ZNF223: variants seen among roughly 807,000 people sequenced by gnomAD.
The protein encoded by ZNF223 is Homo sapiens zinc finger protein 223.
ZNF223 carries 9 observed loss-of-function variants against 12.3 expected under a neutral mutation model. That is an observed-to-expected ratio of 0.73 (90% CI 0.44 to 1.28). The LOEUF (loss-of-function observed/expected upper bound fraction) is 1.28. ZNF223 is among the 50% of genes most tolerant of loss of function. The probability of loss-of-function intolerance (pLI) is 0.00; values close to 1 mark genes in which losing one functional copy is unlikely to be tolerated. For missense variants in ZNF223, 506 were observed against 579.0 expected (o/e 0.87, Z 1.29); for synonymous variants, 171 against 195.2 (o/e 0.88, Z 1.03).
At chr19:44,064,533 A>G (rs973858425) in intron 4 of ZNF223, among the ~76,000 whole-genome samples, 1 of 152,220 alleles carries the variant, frequency 6.6e-6, no homozygotes, top group Admixed American at 6.5e-5. Flanking sequence ...AGATATAAAC[A>G]TTCTAAGGTG....
intron 2 of ZNF223, among the ~76,000 whole-genome samples, chr19:44,057,961 G>T (rs1282115690): frequency 6.6e-6 from 1 of 152,162 alleles, no homozygotes; most frequent in Non-Finnish European, 1.5e-5. Flanking sequence ...GCCATCCAGG[G>T]CTCAAGAAAG....
chr19:44,052,979 C>T (rs1289496453), intron 1 of ZNF223, among the ~76,000 whole-genome samples: 1 of 151,984 alleles, frequency 6.6e-6, no homozygotes. Flanking sequence ...GTTCCATATA[C>T]GAATTTGTTA....
chr19:44,065,008 G>C (rs1387605659), intron 4 of ZNF223, among the ~76,000 whole-genome samples: 1 of 152,186 alleles, frequency 6.6e-6, no homozygotes, highest in Non-Finnish European at 1.5e-5. Flanking sequence ...CTGGTTCCCT[G>C]TGACCTAAAG....
At position 44,066,739 on chromosome 19, in the gene ZNF223, A is replaced by G. The variant is rs1159225737; in HGVS notation, c.911A>G (p.Asn304Ser). 2 of 1,614,234 alleles carry G rather than the reference A, an allele frequency of 1.2e-6. No homozygotes were observed. The highest frequency in any genetic ancestry group is 1.1e-5 in the South Asian group (1 of 91,082). Residue 304 changes from asparagine (N) to serine (S), a missense_variant, in exon 5 of 5, where the codon AAT becomes AGT. Asn to Ser is a conservative substitution (Grantham distance 46). Coordinates refer to ENST00000434772, the MANE Select transcript of ZNF223 (RefSeq NM_013361.6). ...AGCTTCCGTCTTAGGTCAAGTCTTA[A>G]TAGGCATTGTGTGGTCCACACAGGA... ...SVSFRLRSSL[N>S]RHCVVHTGKK...
chr19:44,062,770 T>C lies in ZNF223; in HGVS notation c.235+1929T>C, dbSNP rs145305923. Among the ~76,000 whole-genome samples, 264 of 152,342 alleles carry C rather than the reference T, an allele frequency of 1.7e-3. 5 individuals carry two copies. In the East Asian group the frequency reaches 0.048, roughly 28 times the overall value. On this transcript the variant is annotated intron_variant, in intron 4 of 4. Coordinates refer to ENST00000434772, the MANE Select transcript of ZNF223 (RefSeq NM_013361.6). ...TTTTGAATGAGGATTTGCAGCTAGC[T>C]TTCCTTTGAGAGATTTACCCATCTG...
In ZNF223 at chr19:44,067,286, C is replaced by T; in HGVS notation, c.*9C>T. ...TTTTAAATGACACGTAAGTGTTGTA[C>T]ATATTTATGGGGTACAGTGTGATAT... On this transcript the variant is annotated 3_prime_UTR_variant, in exon 5 of 5. Transcript: ENST00000434772. 6.2e-7 allele frequency: 1 copy of T among 1,600,316 alleles called. No individual in the cohort carries two copies. Among genetic ancestry groups the T allele is most frequent in the African/African-American group, 1.3e-5 (1 of 74,288 alleles).
At chr19:44,052,753 C>A (rs1476977485) in intron 1 of ZNF223, among the ~76,000 whole-genome samples, 1 of 152,052 alleles carries the variant, frequency 6.6e-6, no homozygotes, top group Non-Finnish European at 1.5e-5. Context: ...AGCCCACATA[C>A]CACGGTAATT....
In ZNF223 at chr19:44,066,950, T is replaced by G. The variant is rs775982461; in HGVS notation, c.1122T>G (p.Cys374Trp). ...ACACTGGAGAAAAGCCATACAAATG[T>G]GACAAGTGTGGGAAGAGCTACATTA... The part of the protein sequence containing the change: ...RVHTGEKPYK[C>W]DKCGKSYITK... The change falls in exon 5 of 5, where the codon TGT becomes TGG. Residue 374 changes from cysteine (C) to tryptophan (W), a missense_variant. Coordinates refer to ENST00000434772, the MANE Select transcript of ZNF223 (RefSeq NM_013361.6). The G allele has an allele frequency of 5.6e-6, 9 of 1,614,070 alleles. No individual in the cohort carries two copies. The African/African-American group carries it at 1.2e-4, about 22-fold the overall frequency.
At chr19:44,065,618 C>T (rs1976899444) in intron 4 of ZNF223, among the ~76,000 whole-genome samples, 1 of 148,308 alleles carries the variant, frequency 6.7e-6, no homozygotes, top group Non-Finnish European at 1.5e-5. Context: ...CACTGTGTCG[C>T]CCAGGCTGGA....
rs755714801 is a variant in ZNF223 at position 44,067,255 on chromosome 19, CATT to C, written c.1431_1433del (p.Leu477del). On this transcript the variant is annotated inframe_deletion, in exon 5 of 5. Coordinates refer to ENST00000434772, the MANE Select transcript of ZNF223 (RefSeq NM_013361.6). ...CGCTTGAATCTTGATATAATTTTAT[CATT>C]ATTTTTAAATGACACGTAAGTGTTG... 18 of 1,607,714 alleles carry C rather than the reference CATT, an allele frequency of 1.1e-5. No individual in the cohort carries two copies. Among genetic ancestry groups the C allele is most frequent in the African/African-American group, 2.7e-5 (2 of 74,348 alleles).
intron 1 of ZNF223, among the ~76,000 whole-genome samples, chr19:44,052,765 T>G (rs928924047): frequency 6.6e-6 from 1 of 151,990 alleles, no homozygotes; most frequent in Non-Finnish European, 1.5e-5. Flanking sequence ...ACGGTAATTG[T>G]GGGGTGTCTT....
chr19:44,063,919 TG>T (rs1912451429), intron 4 of ZNF223, among the ~76,000 whole-genome samples: 1 of 152,174 alleles, frequency 6.6e-6, no homozygotes, highest in African/African-American at 2.4e-5. Context: ...GGTATACTGA[TG>T]GGTACCCACT....
chr19:44,063,882 T>C (rs1205926458), intron 4 of ZNF223, among the ~76,000 whole-genome samples: 1 of 152,166 alleles, frequency 6.6e-6, no homozygotes, highest in Non-Finnish European at 1.5e-5. Context: ...GGGCTGAGGT[T>C]CTAGGCTTAA....
chr19:44,055,216 T>C, intron 2 of ZNF223, 25 bp downstream of exon 2: 2 of 1,613,114 alleles, frequency 1.2e-6, no homozygotes, highest in South Asian at 1.1e-5. Flanking sequence ...CCTCTCTTAC[T>C]GTTAAAATTC....
intron 2 of ZNF223, among the ~76,000 whole-genome samples, chr19:44,056,650 G>C (rs1277394011): frequency 8.5e-6 from 1 of 117,466 alleles, no homozygotes; most frequent in Non-Finnish European, 1.6e-5. Flanking sequence ...CTGGAGTACA[G>C]TGTTGCGATC....
In ZNF223 at chr19:44,066,408, C is replaced by T. The variant is rs377142919; in HGVS notation, c.580C>T (p.His194Tyr). 1.6e-5 allele frequency: 26 copies of T among 1,612,690 alleles called. No individual in the cohort carries two copies. The highest frequency in any genetic ancestry group is 1.0e-4 in the Admixed American group (6 of 59,972). The change falls in exon 5 of 5, where the codon CAT becomes TAT. Residue 194 changes from histidine (H) to tyrosine (Y), a missense_variant. By Grantham distance (83) the His-to-Tyr change is moderately conservative (BLOSUM62 2). Transcript: ENST00000434772. ...SFCYISALHI[H>Y]QRVHLGEKLF... is the part of the protein sequence containing the mutation. ...CTGTTACATCTCAGCGCTTCATATT[C>T]ATCAGAGAGTCCACCTGGGAGAGAA...
Position 44,067,422 on chromosome 19 carries a change from G to T in ZNF223, c.*145G>T. On this transcript the variant is annotated 3_prime_UTR_variant, in exon 5 of 5. Transcript: ENST00000434772. Reference sequence around the variant, plus strand: ...AAATTAAAAATTCATTGTTCCAGCAGTTTGAAAATAAATTGTTGTCGATGA... The same window carrying T: ...AAATTAAAAATTCATTGTTCCAGCATTTTGAAAATAAATTGTTGTCGATGA... 1 of 1,032,144 alleles carries T rather than the reference G, an allele frequency of 9.7e-7. No homozygotes were observed. The highest frequency in any genetic ancestry group is 1.5e-6 in the Non-Finnish European group (1 of 689,640). 63.9% of individuals were successfully genotyped at this position (1,032,144 alleles called of 1,614,324 possible).
chr19:44,059,357 G>T (rs1421369447), intron 2 of ZNF223, among the ~76,000 whole-genome samples: 1 of 152,182 alleles, frequency 6.6e-6, no homozygotes, highest in Non-Finnish European at 1.5e-5. Flanking sequence ...GGGCCCTCCA[G>T]CTCTCTCTCA....
chr19:44,066,956 G>C lies in ZNF223; in HGVS notation c.1128G>C (p.Lys376Asn). The change falls in exon 5 of 5, where the codon AAG becomes AAC. Residue 376 changes from lysine (K) to asparagine (N), a missense_variant. Physicochemically the swap from Lys to Asn is moderately conservative, Grantham distance 94. Transcript: ENST00000434772. ...GAGAAAAGCCATACAAATGTGACAA[G>C]TGTGGGAAGAGCTACATTACTAAGT... ...HTGEKPYKCD[K>N]CGKSYITKSG... 2 of 1,614,152 alleles carry C rather than the reference G, an allele frequency of 1.2e-6. No homozygotes were observed. Among genetic ancestry groups the C allele is most frequent in the Non-Finnish European group, 8.5e-7 (1 of 1,180,022 alleles).
Sources: allele counts gnomAD v4.1 joint callset (sites outside exome capture counted in the v4.1 genomes callset), GRCh38; gene constraint gnomAD v4.1.1; transcripts MANE v1.5; gene names NCBI Gene and HGNC (gene_info 2026-07-23, HGNC 2026-07-21).